LPA: variants seen among roughly 807,000 people sequenced by gnomAD.
LPA encodes apolipoprotein(a).
LPA carries 199 observed loss-of-function variants against 197.9 expected under a neutral mutation model. The observed-to-expected ratio is 1.01, with a 90% confidence interval of 0.90 to 1.13. The LOEUF is 1.13. Ranked by LOEUF, LPA falls within the 50% of genes most tolerant of loss-of-function variation. The pLI is 0.00. For missense variants in LPA, 1,853 were observed against 1,785.8 expected (o/e 1.04, Z -0.68); for synonymous variants, 715 against 639.5 (o/e 1.12, Z -1.78).
At chr6:160,540,528 G>A (rs933680139) in intron 35 of LPA, among the ~76,000 whole-genome samples, 2 of 152,182 alleles carry the variant, frequency 1.3e-5, no homozygotes, top group Non-Finnish European at 2.9e-5. Context: ...TGATCAGTGA[G>A]CTCTCACTCT....
At chr6:160,652,346 G>T (rs575173659) in intron 1 of LPA, among the ~76,000 whole-genome samples, 2 of 152,216 alleles carry the variant, frequency 1.3e-5, no homozygotes, top group East Asian at 3.9e-4. Context: ...ACAAAGATCA[G>T]ATTTCTAGTC....
intron 32 of LPA, 92 bp from the exon 33 acceptor site, chr6:160,545,625 G>A (rs1778056825): frequency 1.2e-6 from 1 of 800,826 alleles, no homozygotes; most frequent in Non-Finnish European, 2.3e-6. Context: ...TCTATTCTTA[G>A]AAGACAAAAG....
At chr6:160,578,440 G>A (rs935699216) in intron 27 of LPA, 83 bp downstream of exon 27, 2 of 1,539,754 alleles carry the variant, frequency 1.3e-6, no homozygotes, top group East Asian at 4.5e-5. Context: ...ACCCTCCAGT[G>A]TACCACTGAA....
chr6:160,556,386 A>G (rs1331402653), intron 29 of LPA, among the ~76,000 whole-genome samples: 1 of 152,140 alleles, frequency 6.6e-6, no homozygotes, highest in Non-Finnish European at 1.5e-5. Flanking sequence ...TTATATTCAA[A>G]ACCTGGTGGG....
At chr6:160,600,724 A>G (rs1355851764) in intron 19 of LPA, among the ~76,000 whole-genome samples, 193 bp downstream of exon 19, 1 of 152,102 alleles carries the variant, frequency 6.6e-6, no homozygotes, top group Non-Finnish European at 1.5e-5. Context: ...CTAAAGACAC[A>G]GCTCGCACAG....
At chr6:160,566,458 A>G (rs1358705277) in intron 28 of LPA, among the ~76,000 whole-genome samples, 3 of 152,194 alleles carry the variant, frequency 2.0e-5, no homozygotes, top group African/African-American at 7.2e-5. Flanking sequence ...TTTTGTCACC[A>G]CCAGGCCTGC....
intron 37 of LPA, among the ~76,000 whole-genome samples, chr6:160,536,741 G>A (rs1777901144): frequency 6.6e-6 from 1 of 152,158 alleles, no homozygotes; most frequent in African/African-American, 2.4e-5. Flanking sequence ...CTTTTACCTG[G>A]CCTCAGTGCT....
chr6:160,584,749 T>C (rs1199042936), intron 26 of LPA, among the ~76,000 whole-genome samples: 4 of 152,150 alleles, frequency 2.6e-5, no homozygotes, highest in African/African-American at 4.8e-5. Context: ...TTAGTGGGCA[T>C]TGTGGAATGA....
chr6:160,589,692 T>C lies in LPA; in HGVS notation c.3808A>G (p.Thr1270Ala). 2 of 1,613,838 alleles carry C rather than the reference T, an allele frequency of 1.2e-6. No homozygotes were observed. The highest frequency in any genetic ancestry group is 1.1e-5 in the South Asian group (1 of 91,076). Residue 1270 changes from threonine to alanine, a missense_variant, in exon 24 of 39, where the codon ACA becomes GCA. Transcript: ENST00000316300. Reference protein sequence around the residue: ...SEQAPTEQSPTVQDCYHGDGQ... With the variant: ...SEQAPTEQSPAVQDCYHGDGQ... ...TCACCATGGTAGCAGTCCTGGACTGTGGGGCTTTGCTCCGTTGGTGCTGAA... is the reference window on the plus strand; with the variant it reads ...TCACCATGGTAGCAGTCCTGGACTGCGGGGCTTTGCTCCGTTGGTGCTGAA...
chr6:160,660,809 G>GT (rs1780211818), intron 1 of LPA, among the ~76,000 whole-genome samples: 1 of 152,056 alleles, frequency 6.6e-6, no homozygotes, highest in Non-Finnish European at 1.5e-5. Context: ...CACAAAGAAG[G>GT]CCATTTTTGT....
Position 160,547,824 on chromosome 6 carries a change from G to T in LPA, c.5269C>A (p.Pro1757Thr). Residue 1757 changes from proline to threonine, a missense_variant, in exon 32 of 39, where the codon CCA becomes ACA. By Grantham distance (38) the Pro-to-Thr change is conservative (BLOSUM62 -1). Coordinates refer to ENST00000316300, the MANE Select transcript of LPA (RefSeq NM_005577.4). ...QEPHRHSTFI[P>T]GTNKWAGLEK... ...AGACCTGCCCATTTATTTGTCCCTG[G>T]AATGAACGTGCTGTGTCTATGGGGC... The T allele has an allele frequency of 6.2e-7, 1 of 1,614,094 alleles. No homozygotes were observed. Among genetic ancestry groups the T allele is most frequent in the Non-Finnish European group, 8.5e-7 (1 of 1,180,008 alleles).
chr6:160,570,937 T>G (rs560338443), intron 28 of LPA, among the ~76,000 whole-genome samples: 2 of 152,338 alleles, frequency 1.3e-5, no homozygotes, highest in South Asian at 4.1e-4. Context: ...GTTGGGGAAG[T>G]TCTCCTGGAT....
intron 37 of LPA, among the ~76,000 whole-genome samples, chr6:160,535,243 G>T (rs1777870571): frequency 6.9e-6 from 1 of 145,134 alleles, no homozygotes; most frequent in African/African-American, 2.5e-5. Context: ...AGTGATGATG[G>T]TGGCAGTGAT....
At chr6:160,546,301 A>G (rs1326561523) in intron 32 of LPA, among the ~76,000 whole-genome samples, 2 of 152,116 alleles carry the variant, frequency 1.3e-5, no homozygotes, top group Non-Finnish European at 2.9e-5. Flanking sequence ...TAAAAACCCA[A>G]CAAGACTGCA....
In LPA at chr6:160,600,975, A is replaced by C; in HGVS notation, c.3069T>G (p.Thr1023=). The change falls in exon 19 of 39, where the codon ACT becomes ACG. Residue 1023 remains threonine (T), a synonymous_variant. Coordinates refer to ENST00000316300, the MANE Select transcript of LPA (RefSeq NM_005577.4). ...NLTRCSDAEW[T]AFVPPNVILA... ...GAATAACATTCGGAGGGACGAAGGC[A>C]GTCCATTCTGCATCTGAGCATCGTG... is the stretch of plus-strand genomic sequence containing the variant. 6.2e-7 allele frequency: 1 copy of C among 1,613,976 alleles called. No homozygotes were observed. Among genetic ancestry groups the C allele is most frequent in the South Asian group, 1.1e-5 (1 of 91,080 alleles).
chr6:160,589,465 G>T (rs528536995), intron 24 of LPA, 88 bp downstream of exon 24: 2 of 1,490,342 alleles, frequency 1.3e-6, no homozygotes, highest in Admixed American at 1.7e-5. Flanking sequence ...GAGAAATTGG[G>T]TCATAAGAAG....
At position 160,595,220 on chromosome 6, in the gene LPA, T is replaced by C. The variant is rs190100042; in HGVS notation, c.3469+134A>G. 6.7e-5 allele frequency: 75 copies of C among 1,118,508 alleles called. No homozygotes were observed. The African/African-American group carries it at 1.1e-3, about 16-fold the overall frequency. 69.3% of individuals were successfully genotyped at this position (1,118,508 alleles called of 1,614,324 possible). On this transcript the variant is annotated intron_variant, in intron 21 of 38. Transcript: ENST00000316300. ...CCCAGAGAAGGCGCTGAGTGTTCCT[T>C]CCCAGTGGCTGACCCTGAGTCCACA...
chr6:160,634,936 C>T (rs1235365854), intron 7 of LPA, among the ~76,000 whole-genome samples, 187 bp downstream of exon 7: 4 of 150,230 alleles, frequency 2.7e-5, no homozygotes, highest in African/African-American at 5.1e-5. Context: ...CAAAGCCCAC[C>T]CAAGTTGCAC....
chr6:160,542,431 A>G (rs995261585), intron 34 of LPA, among the ~76,000 whole-genome samples: 1 of 152,238 alleles, frequency 6.6e-6, no homozygotes, highest in Non-Finnish European at 1.5e-5. Flanking sequence ...AAGTATTGGA[A>G]CTTGGTGCAA....
Sources: allele counts gnomAD v4.1 joint callset (sites outside exome capture counted in the v4.1 genomes callset), GRCh38; gene constraint gnomAD v4.1.1; transcripts MANE v1.5; gene names NCBI Gene and HGNC (gene_info 2026-07-23, HGNC 2026-07-21).